CCDC85C: variants seen among roughly 807,000 people sequenced by gnomAD.
The protein encoded by CCDC85C is coiled-coil domain-containing protein 85C.
A neutral mutation model predicts 38.3 loss-of-function variants in CCDC85C; 18 were observed. The ratio of observed to expected loss-of-function variants is 0.47; its 90% confidence interval spans 0.33 to 0.70. The LOEUF (loss-of-function observed/expected upper bound fraction) is 0.70. CCDC85C is among the 30% of genes least tolerant of loss of function. The pLI is 0.03. For synonymous variants in CCDC85C, 264 were observed against 293.8 expected (o/e 0.90, Z 1.04); for missense variants, 566 against 621.2 (o/e 0.91, Z 0.94).
intron 2 of CCDC85C, among the ~76,000 whole-genome samples, chr14:99,528,251 G>C (rs1359531302): frequency 6.6e-6 from 1 of 152,140 alleles, no homozygotes; most frequent in African/African-American, 2.4e-5. Flanking sequence ...CGTAGGGGCG[G>C]GGCAGCTAGA....
intron 3 of CCDC85C, among the ~76,000 whole-genome samples, chr14:99,521,257 A>T (rs768864136): frequency 1.1e-4 from 17 of 152,228 alleles, no homozygotes; most frequent in Non-Finnish European, 2.2e-4. Context: ...AATGCTTGGA[A>T]TATCGGCCAT....
intron 1 of CCDC85C, among the ~76,000 whole-genome samples, chr14:99,556,905 C>G (rs4905852): frequency 0.54 from 80,931 of 150,020 alleles, 22,038 homozygotes; most frequent in African/African-American, 0.61. Context: ...CTCTAAAATA[C>G]TTCAGAAAAA....
chr14:99,587,673 C>T (rs2055041294), intron 1 of CCDC85C, among the ~76,000 whole-genome samples: 1 of 152,194 alleles, frequency 6.6e-6, no homozygotes, highest in Non-Finnish European at 1.5e-5. Flanking sequence ...GGCCTAAGCA[C>T]CTGAGGGCAG....
rs992062807 is a variant in CCDC85C at position 99,516,807 on chromosome 14, CCT to C, written c.1071+279_1071+280del. The stretch of plus-strand genomic sequence containing the variant: ...GGTTAGTTCTAGCCCCACTCCTGCC[CCT>C]CTCTCTCTGGCCTTAGTTGGGTGCC... On this transcript the variant is annotated intron_variant, in intron 4 of 5. Transcript: ENST00000380243. The surrounding 1 kb of genome is among the most constrained non-coding windows in gnomAD (Gnocchi z 5.5). 6.6e-6 allele frequency among the ~76,000 whole-genome samples: 1 copy of C among 152,072 alleles called. No homozygotes were observed. The highest frequency in any genetic ancestry group is 1.5e-5 in the Non-Finnish European group (1 of 68,008).
At position 99,516,603 on chromosome 14, in the gene CCDC85C, C is replaced by T. The variant is rs974547968; in HGVS notation, c.1072-317G>A. Among the ~76,000 whole-genome samples the T allele has an allele frequency of 2.6e-5, 4 of 152,118 alleles. No homozygotes were observed. The highest frequency in any genetic ancestry group is 2.1e-4 in the South Asian group (1 of 4,822). ...GCTGGAGATGAGTGGGCACTCGCCA[C>T]GTGGAGGGGGTGTGAGTAGGCGTGG... On this transcript the variant is annotated intron_variant, in intron 4 of 5. Transcript: ENST00000380243. This position sits in a 1 kb window ranked among gnomAD's most constrained non-coding sequence, Gnocchi z 5.5.
chr14:99,510,734 C>A lies in CCDC85C; in HGVS notation c.*4512G>T. On this transcript the variant is annotated 3_prime_UTR_variant, in exon 6 of 6. Coordinates refer to ENST00000380243, the MANE Select transcript of CCDC85C (RefSeq NM_001144995.2). ...CTGTGCCCCCGCCCATTCCCCCACC[C>A]GGCATGCCTCCAGTTGGGGGGCTGG... is the stretch of plus-strand genomic sequence containing the variant. The A allele has an allele frequency of 6.9e-7, 1 of 1,439,744 alleles. No individual in the cohort carries two copies. The highest frequency in any genetic ancestry group is 9.1e-7 in the Non-Finnish European group (1 of 1,096,172). The allele number at this position is 1,439,744 out of a possible 1,614,324, so 89.2% of individuals were successfully genotyped here. A position where few individuals can be genotyped will look rare whatever the true frequency, so the allele number is the denominator to read the frequency against.
intron 2 of CCDC85C, chr14:99,522,496 A>C: frequency 5.9e-6 from 2 of 336,922 alleles, no homozygotes; most frequent in Non-Finnish European, 1.1e-5. Flanking sequence ...AATAAACAGA[A>C]TGAATGAATG....
At chr14:99,600,174 G>A (rs2055184342) in intron 1 of CCDC85C, among the ~76,000 whole-genome samples, 1 of 152,260 alleles carries the variant, frequency 6.6e-6, no homozygotes, top group Non-Finnish European at 1.5e-5. Context: ...CACTTTTGAA[G>A]AGGAAACTGA....
chr14:99,501,492 T>A lies in CCDC85C; in HGVS notation c.*13754A>T. ...TTATGGACCATTTCATCTAAACCCCTCATTTTGTGTCAGAAGAAACTGACT... is the reference window on the plus strand; with the variant it reads ...TTATGGACCATTTCATCTAAACCCCACATTTTGTGTCAGAAGAAACTGACT... On this transcript the variant is annotated 3_prime_UTR_variant, in exon 6 of 6. Transcript: ENST00000380243. 1.0e-6 allele frequency: 1 copy of A among 966,108 alleles called. No individual in the cohort carries two copies. The highest frequency in any genetic ancestry group is 1.6e-6 in the Non-Finnish European group (1 of 613,824). 59.8% of individuals were successfully genotyped at this position (966,108 alleles called of 1,614,324 possible).
Position 99,502,888 on chromosome 14 carries a change from G to A in CCDC85C, c.*12358C>T. 1 of 1,613,314 alleles carries A rather than the reference G, an allele frequency of 6.2e-7. No individual in the cohort carries two copies. The highest frequency in any genetic ancestry group is 8.5e-7 in the Non-Finnish European group (1 of 1,179,578). ...CCGAACCATCCCAGCCCCAGCAGAA[G>A]GACCCCCAGCAACCAGCCCAGCAGC... On this transcript the variant is annotated 3_prime_UTR_variant, in exon 6 of 6. Transcript: ENST00000380243.
At chr14:99,560,007 T>TAAAA (rs3070369) in intron 1 of CCDC85C, among the ~76,000 whole-genome samples, 39 of 146,930 alleles carry the variant, frequency 2.7e-4, no homozygotes, top group East Asian at 1.0e-3. Context: ...CCTTTGAAAT[T>TAAAA]AAAAAAAAAA....
intron 1 of CCDC85C, among the ~76,000 whole-genome samples, chr14:99,597,330 C>G (rs2055153618): frequency 6.6e-6 from 1 of 152,214 alleles, no homozygotes; most frequent in Non-Finnish European, 1.5e-5. Flanking sequence ...TCCCACCTGG[C>G]TCTGGGTTCA....
Position 99,515,110 on chromosome 14 carries a change from C to T in CCDC85C, c.*136G>A, listed in dbSNP as rs942908381. The T allele has an allele frequency of 6.3e-6, 4 of 631,370 alleles. No individual in the cohort carries two copies. The highest frequency in any genetic ancestry group is 6.1e-5 in the Admixed American group (2 of 32,986). The allele number at this position is 631,370 out of a possible 1,614,324, so 39.1% of individuals were successfully genotyped here. ...CGGACCCATGGCAGCTGGGCCAGGG[C>T]GGGCAGCGTCCTATGTACAGTTCAC... On this transcript the variant is annotated 3_prime_UTR_variant, in exon 6 of 6. Coordinates refer to ENST00000380243, the MANE Select transcript of CCDC85C (RefSeq NM_001144995.2).
In CCDC85C at chr14:99,603,178, T is replaced by C. The variant is rs2055223775; in HGVS notation, c.782A>G (p.Asn261Ser). 2.1e-6 allele frequency: 3 copies of C among 1,403,306 alleles called. No homozygotes were observed. The highest frequency in any genetic ancestry group is 3.0e-5 in the African/African-American group (2 of 66,756). 86.9% of individuals were successfully genotyped at this position (1,403,306 alleles called of 1,614,324 possible). Residue 261 changes from asparagine (N) to serine (S), a missense_variant, in exon 1 of 6, where the codon AAC becomes AGC. Around this residue, in one of 3 missense-constraint regions of CCDC85C, gnomAD observed 286 missense variants for 276.4 expected, o/e 1.03. Transcript: ENST00000380243. The surrounding 1 kb of genome is among the most constrained non-coding windows in gnomAD (Gnocchi z 7.5). ...CGTGTAGTCCTTACCGTGCAGGCCG[T>C]TGGGGATGCTGCGGTGGTGCGGCGG... ...SAPPHHRSIP[N>S]GLHDPSSTYI... is the part of the protein sequence containing the mutation.
chr14:99,543,451 C>T (rs1027258921), intron 1 of CCDC85C, among the ~76,000 whole-genome samples: 1 of 152,194 alleles, frequency 6.6e-6, no homozygotes, highest in Non-Finnish European at 1.5e-5. Flanking sequence ...AGAATAACCA[C>T]ATCTACTGCA....
At chr14:99,597,038 C>A (rs973949758) in intron 1 of CCDC85C, among the ~76,000 whole-genome samples, 1 of 152,172 alleles carries the variant, frequency 6.6e-6, no homozygotes. Flanking sequence ...GCAGACTCAC[C>A]AGGTCTGGAA....
intron 1 of CCDC85C, among the ~76,000 whole-genome samples, chr14:99,536,406 G>A (rs941263183): frequency 2.6e-5 from 4 of 152,198 alleles, no homozygotes; most frequent in Admixed American, 1.3e-4. Flanking sequence ...GAAAGGTGGG[G>A]GGTGTGGGGG....
chr14:99,564,161 C>G (rs1268956081), intron 1 of CCDC85C, among the ~76,000 whole-genome samples: 1 of 152,256 alleles, frequency 6.6e-6, no homozygotes, highest in Admixed American at 6.5e-5. Context: ...AGAGCACTGT[C>G]TCTCCACAGA....
intron 2 of CCDC85C, chr14:99,522,774 G>A (rs1897320940): frequency 6.5e-6 from 1 of 153,318 alleles, no homozygotes; most frequent in Admixed American, 6.5e-5. Flanking sequence ...CAGGTCCTGG[G>A]TGCTGCCTCT....
Sources: gnomAD v4.1 joint callset for allele counts (sites outside exome capture counted in the v4.1 genomes callset) on GRCh38, gnomAD v4.1.1 for gene constraint, gnomAD v4.1.1 regional missense constraint, Gnocchi (gnomAD v3.1) non-coding constraint, MANE v1.5 for transcripts, NCBI Gene and HGNC (gene_info 2026-07-23, HGNC 2026-07-21) for gene names.